LHFPL3: variants seen among roughly 807,000 people sequenced by gnomAD.
The protein encoded by LHFPL3 is LHFPL tetraspan subfamily member 3.
Under a neutral mutation model 19.3 loss-of-function variants are expected in LHFPL3, and 5 were observed. The observed-to-expected ratio is 0.26, with a 90% confidence interval of 0.14 to 0.54. The LOEUF (loss-of-function observed/expected upper bound fraction) is 0.54, where lower values mean the gene tolerates loss of function less well. Among genes scored for constraint, LHFPL3 ranks in the 20% least tolerant of loss-of-function variants. The pLI is 0.94. For synonymous variants in LHFPL3, 133 were observed against 126.2 expected, an observed-to-expected ratio of 1.05 and a Z score of -0.36; for missense variants, 249 against 307.4, an observed-to-expected ratio of 0.81 and a Z score of 1.42.
intron 2 of LHFPL3, among the ~76,000 whole-genome samples, chr7:104,769,463 TTTA>T (rs1225276577): frequency 2.0e-5 from 3 of 152,184 alleles, no homozygotes; most frequent in African/African-American, 7.2e-5. Flanking sequence ...AATTTCTTTT[TTTA>T]TTATTATTAT....
intron 1 of LHFPL3, among the ~76,000 whole-genome samples, chr7:104,662,149 T>TGGTTCACTGC (rs1792234910): frequency 6.6e-6 from 1 of 152,146 alleles, no homozygotes; most frequent in African/African-American, 2.4e-5. Flanking sequence ...TTTCAGACTG[T>TGGTTCACTGC]GGTTCACTGC....
At chr7:104,556,713 T>A (rs910029776) in intron 1 of LHFPL3, among the ~76,000 whole-genome samples, 2 of 152,224 alleles carry the variant, frequency 1.3e-5, no homozygotes, top group Non-Finnish European at 2.9e-5. Context: ...TGCAGCCAGT[T>A]TGAATTTCTT....
chr7:104,443,459 C>G (rs555355293), intron 1 of LHFPL3, among the ~76,000 whole-genome samples: 23 of 152,230 alleles, frequency 1.5e-4, no homozygotes, highest in South Asian at 1.2e-3. Flanking sequence ...TGGTATGACC[C>G]CCTCCCCACC....
intron 1 of LHFPL3, among the ~76,000 whole-genome samples, chr7:104,511,051 ATAAAAGT>A (rs1249157872): frequency 6.6e-6 from 1 of 152,138 alleles, no homozygotes; most frequent in Non-Finnish European, 1.5e-5. Flanking sequence ...TGAACTTAAA[ATAAAAGT>A]TAAAAAAGAA....
chr7:104,660,600 A>C (rs1274829602), intron 1 of LHFPL3, among the ~76,000 whole-genome samples: 1 of 152,220 alleles, frequency 6.6e-6, no homozygotes, highest in Non-Finnish European at 1.5e-5. Flanking sequence ...AAACAGCTTG[A>C]TGTGAGCTTT....
At chr7:104,380,330 T>C (rs567449890) in intron 1 of LHFPL3, among the ~76,000 whole-genome samples, 1 of 152,274 alleles carries the variant, frequency 6.6e-6, no homozygotes, top group East Asian at 1.9e-4. Flanking sequence ...CAATGAACAT[T>C]AAGAGATGTT....
intron 2 of LHFPL3, among the ~76,000 whole-genome samples, chr7:104,828,196 C>T (rs4431527): frequency 0.99 from 151,107 of 151,924 alleles, 75,167 homozygotes; most frequent in Middle Eastern, 1. Context: ...CAGCAAAGGC[C>T]CACCCAGCCT....
chr7:104,505,045 A>G (rs765031521), intron 1 of LHFPL3, among the ~76,000 whole-genome samples: 1 of 152,230 alleles, frequency 6.6e-6, no homozygotes, highest in African/African-American at 2.4e-5. Flanking sequence ...ACTGCTATGT[A>G]TACACATATG....
chr7:104,610,345 C>T (rs939040984), intron 1 of LHFPL3, among the ~76,000 whole-genome samples: 54 of 152,048 alleles, frequency 3.6e-4, no homozygotes, highest in African/African-American at 1.3e-3. Context: ...GAATTCTAAT[C>T]ACAACTCACT....
intron 2 of LHFPL3, among the ~76,000 whole-genome samples, chr7:104,752,248 C>A (rs919349428): frequency 6.6e-6 from 1 of 151,994 alleles, no homozygotes; most frequent in Non-Finnish European, 1.5e-5. Flanking sequence ...CAACATTTTG[C>A]GTTGACTGAG....
Position 104,758,798 on chromosome 7 carries a change from C to A in LHFPL3, c.682+21887C>A, listed in dbSNP as rs146625400. 5.3e-5 allele frequency among the ~76,000 whole-genome samples: 8 copies of A among 152,084 alleles called. No individual in the cohort carries two copies. In the East Asian group the frequency reaches 1.5e-3, roughly 29 times the overall value. On this transcript the variant is annotated intron_variant, in intron 2 of 2. Transcript: ENST00000424859. ...CACACAAGGAGGGGCTTCTTTCTGT[C>A]ATTAGAATGCTCTCTGAGTCTCCCA...
intron 1 of LHFPL3, among the ~76,000 whole-genome samples, chr7:104,459,471 C>A (rs1292173778): frequency 2.0e-5 from 3 of 152,176 alleles, no homozygotes; most frequent in Non-Finnish European, 4.4e-5. Flanking sequence ...GTGAGGAAAT[C>A]AAAATTGATG....
chr7:104,608,270 G>C (rs900811657), intron 1 of LHFPL3, among the ~76,000 whole-genome samples: 1 of 151,902 alleles, frequency 6.6e-6, no homozygotes, highest in African/African-American at 2.4e-5. Flanking sequence ...CGATAGACTG[G>C]ATTAAGAAAA....
intron 1 of LHFPL3, among the ~76,000 whole-genome samples, chr7:104,672,499 G>A (rs1792503682): frequency 6.6e-6 from 1 of 152,166 alleles, no homozygotes; most frequent in African/African-American, 2.4e-5. Context: ...AACCAAGCAT[G>A]AGATAAATGA....
intron 2 of LHFPL3, among the ~76,000 whole-genome samples, chr7:104,885,573 ACT>A (rs921635607): frequency 6.6e-6 from 1 of 151,818 alleles, no homozygotes; most frequent in African/African-American, 2.4e-5. Flanking sequence ...AATCCTACTG[ACT>A]CTGCCTTAAA....
At chr7:104,802,341 A>C (rs1790268425) in intron 2 of LHFPL3, among the ~76,000 whole-genome samples, 1 of 151,990 alleles carries the variant, frequency 6.6e-6, no homozygotes, top group Admixed American at 6.5e-5. Flanking sequence ...CAAAAAGTAC[A>C]AAATCAGCTG....
Position 104,328,704 on chromosome 7 carries a change from G to A in LHFPL3, c.-76G>A. ...AGTTGCAGCGCGCGAGGCTCCGTGAGTGTGTCTCCTGCGCGCTGAGAGGCG... is the reference window on the plus strand; with the variant it reads ...AGTTGCAGCGCGCGAGGCTCCGTGAATGTGTCTCCTGCGCGCTGAGAGGCG... On this transcript the variant is annotated 5_prime_UTR_variant, in exon 1 of 3. It adds an upstream start codon to the 5' untranslated region. Transcript: ENST00000424859. The surrounding 1 kb of genome is among the most constrained non-coding windows in gnomAD (Gnocchi z 4.6). 2 of 1,328,122 alleles carry A rather than the reference G, an allele frequency of 1.5e-6. No homozygotes were observed. The highest frequency in any genetic ancestry group is 2.1e-6 in the Non-Finnish European group (2 of 963,940). 82.3% of individuals were successfully genotyped at this position (1,328,122 alleles called of 1,614,324 possible). A position where few individuals can be genotyped will look rare whatever the true frequency, so the allele number is the denominator to read the frequency against.
chr7:104,737,988 G>T (rs1483847160), intron 2 of LHFPL3, among the ~76,000 whole-genome samples: 1 of 92,474 alleles, frequency 1.1e-5, no homozygotes, highest in African/African-American at 3.5e-5. Flanking sequence ...GTTTATGCGG[G>T]TAAACTGTTT....
At chr7:104,801,718 G>C (rs4490766) in intron 2 of LHFPL3, among the ~76,000 whole-genome samples, 2 of 151,794 alleles carry the variant, frequency 1.3e-5, no homozygotes, top group Non-Finnish European at 2.9e-5. Context: ...CTACAGGCAC[G>C]TGCCACCACA....
Sources: gnomAD v4.1 joint callset for allele counts (sites outside exome capture counted in the v4.1 genomes callset) on GRCh38, gnomAD v4.1.1 for gene constraint, Gnocchi (gnomAD v3.1) non-coding constraint, MANE v1.5 for transcripts, NCBI Gene and HGNC (gene_info 2026-07-23, HGNC 2026-07-21) for gene names.